SLC2A14: variants seen among roughly 807,000 people sequenced by gnomAD.
The protein encoded by SLC2A14 is solute carrier family 2, facilitated glucose transporter member 14.
SLC2A14 carries 13 observed loss-of-function variants against 43.0 expected under a neutral mutation model. The ratio of observed to expected loss-of-function variants is 0.30; its 90% CI spans 0.20 to 0.48. The LOEUF is 0.48. Ranked by LOEUF, SLC2A14 falls within the 20% of genes least tolerant of loss-of-function variation. SLC2A14 has a pLI of 0.99. For missense variants in SLC2A14, 428 were observed against 620.4 expected (o/e 0.69, Z 3.29); for synonymous variants, 190 against 233.8 (o/e 0.81, Z 1.71).
At chr12:7,822,239 G>T (rs34899970) in intron 7 of SLC2A14, among the ~76,000 whole-genome samples, 1 of 151,736 alleles carries the variant, frequency 6.6e-6, no homozygotes, top group Non-Finnish European at 1.5e-5. Context: ...GATTACAGGC[G>T]TGAGCCACTG....
chr12:7,887,129 C>G (rs1163842740), intron 1 of SLC2A14, among the ~76,000 whole-genome samples: 1 of 151,994 alleles, frequency 6.6e-6, no homozygotes, highest in Non-Finnish European at 1.5e-5. Flanking sequence ...CCAGGCTGGT[C>G]TCCAACTCCT....
intron 1 of SLC2A14, among the ~76,000 whole-genome samples, chr12:7,871,706 A>G (rs775819892): frequency 3.7e-4 from 57 of 152,124 alleles, no homozygotes; most frequent in African/African-American, 1.2e-3. Flanking sequence ...CTCCCCAAGG[A>G]GGAAGGGAAC....
chr12:7,871,355 G>T (rs112332219), intron 1 of SLC2A14: 1 of 712,570 alleles, frequency 1.4e-6, no homozygotes, highest in Non-Finnish European at 1.9e-6. Flanking sequence ...CATACATGGC[G>T]CCAAGGGCAA....
intron 1 of SLC2A14, among the ~76,000 whole-genome samples, chr12:7,880,729 G>A (rs910772218): frequency 9.4e-5 from 14 of 149,684 alleles, no homozygotes; most frequent in Admixed American, 3.3e-4. Flanking sequence ...GAAATTGGCC[G>A]GGCGCAGTGG....
rs1474648646 is a variant in SLC2A14, at chr12:7,880,074, G to A, written c.132+10922C>T. ...TCCCAGCACTTTGGGAGGCCGAGGCGGGTGGATCACCTGAGGTTGGGAGTT... is the reference window on the plus strand; with the variant it reads ...TCCCAGCACTTTGGGAGGCCGAGGCAGGTGGATCACCTGAGGTTGGGAGTT... On this transcript the variant is annotated intron_variant, in intron 1 of 9. Transcript: ENST00000539924. Among the ~76,000 whole-genome samples the A allele has an allele frequency of 2.0e-5, 3 of 151,688 alleles. No individual in the cohort carries two copies. The East Asian group carries it at 5.8e-4, about 30-fold the overall frequency.
At chr12:7,816,765 T>C (rs767212855) in intron 10 of SLC2A14, among the ~76,000 whole-genome samples, 53 of 151,942 alleles carry the variant, frequency 3.5e-4, no homozygotes, top group Non-Finnish European at 5.6e-4. Context: ...TGGAGTGTCA[T>C]GGCAAGATCT....
intron 2 of SLC2A14, among the ~76,000 whole-genome samples, chr12:7,844,946 T>G (rs1403121090): frequency 6.6e-6 from 1 of 152,166 alleles, no homozygotes; most frequent in African/African-American, 2.4e-5. Context: ...TCAAAACTTT[T>G]GTGGTAAGTA....
intron 2 of SLC2A14, among the ~76,000 whole-genome samples, chr12:7,857,587 T>TCAAAA (rs1456822966): frequency 6.6e-6 from 1 of 152,056 alleles, no homozygotes; most frequent in Admixed American, 6.6e-5. Flanking sequence ...AAACTCCATC[T>TCAAAA]CAAAACAAAA....
At position 7,816,197 on chromosome 12, in the gene SLC2A14, C is replaced by T. The variant is rs1323093922; in HGVS notation, c.1275+1634G>A. Among the ~76,000 whole-genome samples, 20 of 99,246 alleles carry T rather than the reference C, an allele frequency of 2.0e-4. No individual in the cohort carries two copies. The East Asian group carries it at 2.9e-3, about 14-fold the overall frequency. 65.1% of individuals were successfully genotyped at this position (99,246 alleles called of 152,430 possible). ...TCGGCTCACTGCAAGCTCCGCTTCC[C>T]GGGTTCACGCCATTCTCCTGCCTCA... On this transcript the variant is annotated intron_variant, in intron 10 of 10. Coordinates refer to ENST00000431042, the MANE Select transcript of SLC2A14 (RefSeq NM_001286234.2).
chr12:7,856,220 G>A (rs1867359353), intron 2 of SLC2A14: 1 of 152,146 alleles, frequency 6.6e-6, no homozygotes, highest in Non-Finnish European at 1.5e-5. Flanking sequence ...GGAGGCTTAG[G>A]CGAGAGGATC....
rs143541389 is a variant in SLC2A14 at position 7,827,095 on chromosome 12, C to T, written c.864+400G>A. ...TCTCTCTTTCTTTCTTTCTTTCTTT[C>T]TCTTTCTTTCTTTCTTTCTTTTTAT... On this transcript the variant is annotated intron_variant, in intron 7 of 10. Transcript: ENST00000431042. Among the ~76,000 whole-genome samples, 198 of 53,554 alleles carry T rather than the reference C, an allele frequency of 3.7e-3. 1 individual carries two copies. The highest frequency in any genetic ancestry group is 9.4e-3 in the African/African-American group (146 of 15,594). The allele number at this position is 53,554 out of a possible 152,430, so 35.1% of individuals were successfully genotyped here.
intron 2 of SLC2A14, among the ~76,000 whole-genome samples, chr12:7,841,133 AT>A (rs1480947780): frequency 6.6e-6 from 1 of 152,152 alleles, no homozygotes; most frequent in East Asian, 1.9e-4. Flanking sequence ...AATAGGATTT[AT>A]TGGGGGTGGG....
intron 2 of SLC2A14, chr12:7,856,595 T>C (rs1867406764): frequency 6.6e-6 from 1 of 152,346 alleles, no homozygotes; most frequent in East Asian, 1.9e-4. Context: ...ATGCACAATT[T>C]AAGAGTGCAT....
In SLC2A14 at chr12:7,832,858, T is replaced by C. The variant is rs371279597; in HGVS notation, c.19-44A>G. Reference sequence around the variant, plus strand: ...GGGAGGAGAGAATAGTCCTTAAAACTTGTAATTGATGACTGTTTCTTATTA... The same window carrying C: ...GGGAGGAGAGAATAGTCCTTAAAACCTGTAATTGATGACTGTTTCTTATTA... On this transcript the variant is annotated intron_variant, in intron 2 of 10. Transcript: ENST00000431042. 3.2e-6 allele frequency: 5 copies of C among 1,571,068 alleles called. No homozygotes were observed. The African/African-American group carries it at 6.8e-5, about 21-fold the overall frequency.
At chr12:7,823,382 CAA>C (rs58264594) in intron 7 of SLC2A14, among the ~76,000 whole-genome samples, 3 of 134,140 alleles carry the variant, frequency 2.2e-5, no homozygotes, top group Admixed American at 7.7e-5. Flanking sequence ...GACTCCATAT[CAA>C]AAAAAAAAAA....
intron 2 of SLC2A14, among the ~76,000 whole-genome samples, chr12:7,835,960 G>C (rs896736506): frequency 3.3e-5 from 5 of 152,116 alleles, no homozygotes; most frequent in African/African-American, 1.2e-4. Flanking sequence ...GTCTAAACTG[G>C]GTTTAAATCA....
chr12:7,840,683 G>C (rs1160499420), intron 2 of SLC2A14, among the ~76,000 whole-genome samples: 1 of 152,234 alleles, frequency 6.6e-6, no homozygotes, highest in Non-Finnish European at 1.5e-5. Flanking sequence ...ACTGCGCCTT[G>C]CCTGTGTTGT....
At chr12:7,887,891 C>A (rs1945713915) in intron 1 of SLC2A14, among the ~76,000 whole-genome samples, 1 of 152,106 alleles carries the variant, frequency 6.6e-6, no homozygotes, top group Non-Finnish European at 1.5e-5. Flanking sequence ...TACTCCTTAG[C>A]TCAAAATCTT....
upstream of SLC2A14, among the ~76,000 whole-genome samples, chr12:7,875,135 T>TTAGATATTATATTTAAAATTAAATATATA (rs1945434858): frequency 9.1e-6 from 1 of 109,452 alleles, no homozygotes; most frequent in Non-Finnish European, 1.7e-5. Flanking sequence ...TTAAATATAT[T>TTAGATATTATATTTAAAATTAAATATATA]TAAATATTAT....
Sources: allele counts gnomAD v4.1 joint callset (sites outside exome capture counted in the v4.1 genomes callset), GRCh38; gene constraint gnomAD v4.1.1; transcripts MANE v1.5; gene names NCBI Gene and HGNC (gene_info 2026-07-23, HGNC 2026-07-21).